KCNIP4: variants seen among roughly 807,000 people sequenced by gnomAD.
The protein encoded by KCNIP4 is potassium voltage-gated channel interacting protein 4.
KCNIP4 carries 12 observed loss-of-function variants against 34.0 expected under a neutral mutation model. The observed-to-expected ratio is 0.35, with a 90% CI of 0.23 to 0.57. KCNIP4 has a LOEUF of 0.57. Among genes scored for constraint, KCNIP4 ranks in the 20% least tolerant of loss-of-function variants. KCNIP4 has a pLI of 0.83. For missense variants in KCNIP4, 238 were observed against 311.7 expected, an observed-to-expected ratio of 0.76 and a Z score of 1.78; for synonymous variants, 124 against 102.2, an observed-to-expected ratio of 1.21 and a Z score of -1.29.
chr4:21,484,950 A>G (rs1052620172), intron 1 of KCNIP4, among the ~76,000 whole-genome samples: 4 of 152,168 alleles, frequency 2.6e-5, no homozygotes, highest in Non-Finnish European at 5.9e-5. Flanking sequence ...GTGTTGAATA[A>G]TTTTTCGTTG....
At chr4:20,791,556 T>C (rs1279588362) in intron 3 of KCNIP4, among the ~76,000 whole-genome samples, 1 of 152,186 alleles carries the variant, frequency 6.6e-6, no homozygotes, top group Non-Finnish European at 1.5e-5. Flanking sequence ...TAAGATATTT[T>C]TTTTGCACAT....
At chr4:20,749,581 A>G (rs1243234298) in intron 5 of KCNIP4, 81 bp downstream of exon 5, 12 of 973,214 alleles carry the variant, frequency 1.2e-5, no homozygotes, top group East Asian at 5.2e-5. Context: ...AGCAAAAATA[A>G]TCATCACCAA....
chr4:21,135,796 C>A (rs1751453849), intron 1 of KCNIP4, among the ~76,000 whole-genome samples: 1 of 152,148 alleles, frequency 6.6e-6, no homozygotes, highest in Non-Finnish European at 1.5e-5. Flanking sequence ...CACTTACTGG[C>A]TTTATTTCCT....
chr4:21,765,914 A>G (rs1451361132), intron 1 of KCNIP4, among the ~76,000 whole-genome samples: 1 of 151,978 alleles, frequency 6.6e-6, no homozygotes, highest in Non-Finnish European at 1.5e-5. Flanking sequence ...GAGCAAAGAT[A>G]CTTAGGAAAA....
Position 21,743,183 on chromosome 4 carries a change from G to A in KCNIP4, c.61+205388C>T, listed in dbSNP as rs1002040441. ...CCTAAACTTATTTTCTCACAGGTCT[G>A]GAGTTCAGAAGTACAAAATCGGTCT... On this transcript the variant is annotated intron_variant, in intron 1 of 8. Transcript: ENST00000382152. 4.6e-5 allele frequency among the ~76,000 whole-genome samples: 7 copies of A among 152,222 alleles called. No homozygotes were observed. The East Asian group carries it at 7.7e-4, about 17-fold the overall frequency.
intron 1 of KCNIP4, among the ~76,000 whole-genome samples, chr4:21,402,254 GA>G (rs1372147468): frequency 6.6e-6 from 1 of 152,154 alleles, no homozygotes; most frequent in Non-Finnish European, 1.5e-5. Context: ...TAAGGAAGTG[GA>G]GTTATTCAAA....
At chr4:21,753,805 C>T (rs891400388) in intron 1 of KCNIP4, among the ~76,000 whole-genome samples, 3 of 152,104 alleles carry the variant, frequency 2.0e-5, no homozygotes. Context: ...AAGCCCATGC[C>T]CAAAAGCCAT....
intron 1 of KCNIP4, among the ~76,000 whole-genome samples, chr4:21,477,115 G>C (rs1172379043): frequency 6.6e-6 from 1 of 152,138 alleles, no homozygotes; most frequent in Non-Finnish European, 1.5e-5. Context: ...TTACAGTTCT[G>C]ATCCATGGGT....
At chr4:20,901,659 T>C (rs1012327561) in intron 1 of KCNIP4, among the ~76,000 whole-genome samples, 2 of 152,218 alleles carry the variant, frequency 1.3e-5, no homozygotes, top group African/African-American at 2.4e-5. Flanking sequence ...GTTAAAGTTA[T>C]AGACTCTGAA....
At chr4:21,851,042 C>T (rs1029222780) in intron 1 of KCNIP4, 4 of 152,084 alleles carry the variant, frequency 2.6e-5, no homozygotes, top group African/African-American at 9.7e-5. Flanking sequence ...GATAACCTAG[C>T]TGTGGTAAAG....
At chr4:21,830,699 T>C (rs1222049435) in intron 1 of KCNIP4, among the ~76,000 whole-genome samples, 3 of 151,810 alleles carry the variant, frequency 2.0e-5, no homozygotes, top group African/African-American at 7.3e-5. Context: ...CAAATAATAA[T>C]ACTACTAGGA....
intron 1 of KCNIP4, among the ~76,000 whole-genome samples, chr4:21,191,616 G>A (rs1755654061): frequency 6.6e-6 from 1 of 152,158 alleles, no homozygotes; most frequent in Admixed American, 6.5e-5. Context: ...CATGGTCGGT[G>A]CACCTAATCA....
At chr4:21,624,446 G>A (rs891120651) in intron 1 of KCNIP4, among the ~76,000 whole-genome samples, 3 of 152,028 alleles carry the variant, frequency 2.0e-5, no homozygotes, top group African/African-American at 7.2e-5. Context: ...GATGACCTTC[G>A]ACCTTGATTC....
chr4:21,681,567 A>T (rs1013569091), intron 1 of KCNIP4, among the ~76,000 whole-genome samples: 4 of 152,094 alleles, frequency 2.6e-5, no homozygotes, highest in Admixed American at 6.5e-5. Flanking sequence ...TCATGAACCA[A>T]CCTCTGCTAG....
Position 21,565,427 on chromosome 4 carries a change from A to C in KCNIP4, c.61+383144T>G, listed in dbSNP as rs188855632. Among the ~76,000 whole-genome samples, 145 of 152,244 alleles carry C rather than the reference A, an allele frequency of 9.5e-4. 1 individual carries two copies. Among genetic ancestry groups the C allele is most frequent in the African/African-American group, 3.3e-3 (138 of 41,536 alleles). On this transcript the variant is annotated intron_variant, in intron 1 of 8. Coordinates refer to ENST00000382152, the MANE Select transcript of KCNIP4 (RefSeq NM_025221.6). ...TGTAAAAATGATCACATTGGGTGTT[A>C]AGGCTTCAACATACAAATTTTGAGA...
intron 3 of KCNIP4, among the ~76,000 whole-genome samples, chr4:20,811,027 G>T (rs1243750848): frequency 6.6e-6 from 1 of 152,142 alleles, no homozygotes; most frequent in East Asian, 1.9e-4. Context: ...CTTGTGGCCA[G>T]TGTCACCAAA....
At chr4:21,543,090 T>C (rs1037382080) in intron 1 of KCNIP4, among the ~76,000 whole-genome samples, 17 of 152,034 alleles carry the variant, frequency 1.1e-4, no homozygotes, top group African/African-American at 3.9e-4. Context: ...TAAAAATGTA[T>C]ATAATATTAC....
chr4:20,902,726 G>T (rs1413639879), intron 1 of KCNIP4, among the ~76,000 whole-genome samples: 2 of 151,972 alleles, frequency 1.3e-5, no homozygotes, highest in East Asian at 3.9e-4. Flanking sequence ...CACCATGTTG[G>T]CCAGGCTGGT....
chr4:21,822,719 CTTTT>C (rs71193413), intron 1 of KCNIP4, among the ~76,000 whole-genome samples: 1 of 137,864 alleles, frequency 7.3e-6, no homozygotes, highest in Non-Finnish European at 1.5e-5. Context: ...ATTAATTTTC[CTTTT>C]TTTTTTTTTT....
Sources: gnomAD v4.1 joint callset for allele counts (sites outside exome capture counted in the v4.1 genomes callset) on GRCh38, gnomAD v4.1.1 for gene constraint, MANE v1.5 for transcripts, NCBI Gene and HGNC (gene_info 2026-07-23, HGNC 2026-07-21) for gene names.